Variants in CUX1 observed in about 807,000 individuals in gnomAD.
CUX1 encodes the protein cut like homeobox 1.
A neutral mutation model predicts 158.8 loss-of-function variants in CUX1; 31 were observed. That is an observed-to-expected ratio of 0.20 (90% CI 0.15 to 0.26). The LOEUF is 0.26. Among genes scored for constraint, CUX1 ranks in the 10% least tolerant of loss-of-function variants. The pLI is 1.00. For synonymous variants in CUX1, 879 were observed against 862.1 expected, an observed-to-expected ratio of 1.02 and a Z score of -0.34; for missense variants, 1,589 against 2,014.6, an observed-to-expected ratio of 0.79 and a Z score of 4.04.
chr7:101,966,723 A>G (rs540445442), intron 2 of CUX1, among the ~76,000 whole-genome samples: 1 of 152,218 alleles, frequency 6.6e-6, no homozygotes, highest in East Asian at 1.9e-4. Flanking sequence ...GGAACATCAG[A>G]GGTGTGTGCT....
intron 1 of CUX1, among the ~76,000 whole-genome samples, chr7:101,857,116 G>A (rs1005082224): frequency 2.0e-5 from 3 of 152,146 alleles, no homozygotes; most frequent in Non-Finnish European, 4.4e-5. Context: ...GCCACTTTTG[G>A]GCCTGCGCCA....
Position 102,136,392 on chromosome 7 carries a change from C to CT in CUX1, c.674+21132dup, listed in dbSNP as rs376020876. The stretch of plus-strand genomic sequence containing the variant: ...TGTATGCATCTCGTCATTTTACCAA[C>CT]TTTTTTTTTTTTTATTTGAGATGGA... On this transcript the variant is annotated intron_variant, in intron 8 of 23. Coordinates refer to ENST00000292535, the MANE Select transcript of CUX1 (RefSeq NM_181552.4). Among the ~76,000 whole-genome samples the CT allele has an allele frequency of 3.5e-3, 505 of 146,200 alleles. 1 individual carries two copies. Among genetic ancestry groups the CT allele is most frequent in the African/African-American group, 9.9e-3 (397 of 40,194 alleles).
At chr7:102,226,395 C>A (rs1401431586) in intron 20 of CUX1, among the ~76,000 whole-genome samples, 1 of 152,138 alleles carries the variant, frequency 6.6e-6, no homozygotes, top group Non-Finnish European at 1.5e-5. Flanking sequence ...CTCCATCTTC[C>A]CCTAGAGTTG....
intron 2 of CUX1, among the ~76,000 whole-genome samples, chr7:101,924,161 G>T (rs1250141181): frequency 6.6e-6 from 1 of 152,128 alleles, no homozygotes; most frequent in African/African-American, 2.4e-5. Context: ...CTGCCATGGG[G>T]AGGAGGACAG....
chr7:101,917,854 G>C (rs1455939601), intron 2 of CUX1, among the ~76,000 whole-genome samples: 3 of 152,140 alleles, frequency 2.0e-5, no homozygotes, highest in African/African-American at 7.2e-5. Flanking sequence ...TTAGAGGTTT[G>C]GCTGGGCGCA....
intron 1 of CUX1, among the ~76,000 whole-genome samples, chr7:101,827,979 T>G (rs1474451298): frequency 2.7e-5 from 4 of 148,708 alleles, no homozygotes; most frequent in African/African-American, 4.9e-5. Context: ...ACTTGTTTTT[T>G]TTTTTTTTTT....
intron 2 of CUX1, among the ~76,000 whole-genome samples, chr7:101,917,250 G>T (rs534152535): frequency 6.6e-6 from 1 of 152,294 alleles, no homozygotes; most frequent in South Asian, 2.1e-4. Context: ...TTTTAAAAGC[G>T]GACTCATTTA....
rs537364357 is a variant in CUX1 at position 102,094,297 on chromosome 7, A to G, written c.269-3067A>G. ...GTAAAGTTTGGAGTTTAATGCACAG[A>G]GATGTTTGAACATTTAGCTCATCCT... On this transcript the variant is annotated intron_variant, in intron 4 of 23. Coordinates refer to ENST00000292535, the MANE Select transcript of CUX1 (RefSeq NM_181552.4). Among the ~76,000 whole-genome samples the G allele has an allele frequency of 5.9e-5, 9 of 152,326 alleles. No individual in the cohort carries two copies. The East Asian group carries it at 1.7e-3, about 29-fold the overall frequency.
chr7:102,078,926 T>C (rs1827068913), intron 4 of CUX1, among the ~76,000 whole-genome samples: 1 of 152,212 alleles, frequency 6.6e-6, no homozygotes. Context: ...CGGCCTAGCA[T>C]CTGAGAATCT....
intron 2 of CUX1, among the ~76,000 whole-genome samples, chr7:101,980,341 C>G (rs113448586): frequency 3.9e-5 from 6 of 151,948 alleles, no homozygotes; most frequent in Non-Finnish European, 8.8e-5. Context: ...CCCTGTTTCT[C>G]CAAAAAAAAT....
chr7:102,053,486 A>G (rs1165646950), intron 3 of CUX1, among the ~76,000 whole-genome samples: 2 of 152,146 alleles, frequency 1.3e-5, no homozygotes, highest in Non-Finnish European at 2.9e-5. Context: ...TGTACAATTA[A>G]GTTATTGACT....
intron 2 of CUX1, chr7:101,932,600 G>A (rs768476318): frequency 2.9e-5 from 13 of 455,510 alleles, no homozygotes; most frequent in South Asian, 1.9e-4. Flanking sequence ...ATTTCGGCCT[G>A]GTTGATGTGT....
At chr7:101,848,876 A>G (rs999786944) in intron 1 of CUX1, among the ~76,000 whole-genome samples, 4 of 150,494 alleles carry the variant, frequency 2.7e-5, no homozygotes, top group Non-Finnish European at 2.9e-5. Flanking sequence ...AAGAGTTTGA[A>G]AAAAGTGTGT....
intron 8 of CUX1, among the ~76,000 whole-genome samples, chr7:102,135,421 C>T (rs1237204565): frequency 4.0e-5 from 6 of 151,854 alleles, no homozygotes; most frequent in Non-Finnish European, 4.4e-5. Context: ...GGGTTGGTCT[C>T]GCTGTCTCGG....
At chr7:102,200,775 A>G (rs987964570) in intron 17 of CUX1, among the ~76,000 whole-genome samples, 2 of 152,034 alleles carry the variant, frequency 1.3e-5, no homozygotes, top group South Asian at 2.1e-4. Flanking sequence ...CACACCTGCA[A>G]TCCTGGCATT....
intron 9 of CUX1, among the ~76,000 whole-genome samples, chr7:102,163,023 T>A (rs1447390485): frequency 6.6e-6 from 1 of 152,024 alleles, no homozygotes; most frequent in Non-Finnish European, 1.5e-5. Context: ...GACCCTGAAG[T>A]CTAGGATTTC....
At chr7:102,243,635 T>A (rs879951638) in intron 23 of CUX1, among the ~76,000 whole-genome samples, 63 of 85,440 alleles carry the variant, frequency 7.4e-4, no homozygotes, top group Admixed American at 4.5e-3. Flanking sequence ...CTACAGAAAA[T>A]AATAATAATA....
intron 14 of CUX1, among the ~76,000 whole-genome samples, chr7:102,272,410 C>T (rs943434574): frequency 1.6e-4 from 25 of 152,364 alleles, no homozygotes; most frequent in Non-Finnish European, 2.9e-4. Flanking sequence ...TGCCCCCTGG[C>T]GGCTGTGCAG....
rs138629986 is a variant in CUX1, at chr7:102,201,892, C to G, written c.2595C>G (p.Ala865=). Reference sequence around the variant, plus strand: ...GCGGAGGTGGCAGCCAGCCTCGGGCCGAGCGCAGTCAGCTCCAGGGACCCT... The same window carrying G: ...GCGGAGGTGGCAGCCAGCCTCGGGCGGAGCGCAGTCAGCTCCAGGGACCCT... ...GGSGGGSQPR[A]ERSQLQGPSS... The change falls in exon 18 of 24, where the codon GCC becomes GCG. Residue 865 remains alanine (A), a synonymous_variant. Transcript: ENST00000292535. The surrounding 1 kb of genome is among the most constrained non-coding windows in gnomAD (Gnocchi z 5.0). The G allele has an allele frequency of 5.0e-6, 8 of 1,613,666 alleles. No homozygotes were observed. The highest frequency in any genetic ancestry group is 4.4e-5 in the South Asian group (4 of 91,080).
Sources: gnomAD v4.1 joint callset for allele counts (sites outside exome capture counted in the v4.1 genomes callset) on GRCh38, gnomAD v4.1.1 for gene constraint, Gnocchi (gnomAD v3.1) non-coding constraint, MANE v1.5 for transcripts, NCBI Gene and HGNC (gene_info 2026-07-23, HGNC 2026-07-21) for gene names.